Variants in CTSO observed in about 807,000 individuals in gnomAD.
The protein encoded by CTSO is cathepsin O.
Under a neutral mutation model 42.4 loss-of-function variants are expected in CTSO, and 40 were observed. The observed-to-expected ratio is 0.94, with a 90% CI of 0.73 to 1.23. The LOEUF is 1.23. Among genes scored for constraint, CTSO ranks in the 50% most tolerant of loss-of-function variants. The pLI, the probability that CTSO is intolerant of heterozygous loss-of-function variation, is 0.00. For missense variants in CTSO, 441 were observed against 396.0 expected, an observed-to-expected ratio of 1.11 and a Z score of -0.96; for synonymous variants, 156 against 146.2, an observed-to-expected ratio of 1.07 and a Z score of -0.48.
At chr4:155,933,049 A>G (rs889272697) in intron 5 of CTSO, among the ~76,000 whole-genome samples, 1 of 151,994 alleles carries the variant, frequency 6.6e-6, no homozygotes, top group Admixed American at 6.5e-5. Context: ...CTCCAAGGCC[A>G]TTCTCCTAAC....
At chr4:155,931,079 A>AAT (rs1743226604) in intron 5 of CTSO, among the ~76,000 whole-genome samples, 1 of 152,206 alleles carries the variant, frequency 6.6e-6, no homozygotes, top group African/African-American at 2.4e-5. Context: ...GACATAAATT[A>AAT]TGTAGCATGC....
At chr4:155,947,424 T>A (rs1743569121) in intron 1 of CTSO, among the ~76,000 whole-genome samples, 2 of 152,210 alleles carry the variant, frequency 1.3e-5, no homozygotes, top group Admixed American at 1.3e-4. Context: ...TCAAAGACCA[T>A]ACTTTCAGAT....
At chr4:155,930,012 G>C (rs1743207687) in intron 5 of CTSO, among the ~76,000 whole-genome samples, 1 of 152,188 alleles carries the variant, frequency 6.6e-6, no homozygotes, top group South Asian at 2.1e-4. Context: ...GCAGGAAGTA[G>C]AAAGCAGAAG....
At chr4:155,946,523 T>C (rs1003590454) in intron 1 of CTSO, among the ~76,000 whole-genome samples, 1 of 152,206 alleles carries the variant, frequency 6.6e-6, no homozygotes, top group African/African-American at 2.4e-5. Flanking sequence ...CTTGATACAC[T>C]GTTCTTTATG....
intron 7 of CTSO, among the ~76,000 whole-genome samples, chr4:155,927,923 T>C (rs1743160189): frequency 6.6e-6 from 1 of 152,146 alleles, no homozygotes; most frequent in African/African-American, 2.4e-5. Flanking sequence ...TCGTATATTT[T>C]AAAACAAAGA....
intron 2 of CTSO, 90 bp from the exon 3 acceptor site, chr4:155,942,546 ACAAT>A (rs1269105132): frequency 9.3e-6 from 5 of 538,234 alleles, no homozygotes; most frequent in Non-Finnish European, 1.3e-5. Flanking sequence ...ATATATAAAG[ACAAT>A]CAATATTATA....
At chr4:155,940,620 G>A (rs1020229729) in intron 3 of CTSO, among the ~76,000 whole-genome samples, 21 of 152,232 alleles carry the variant, frequency 1.4e-4, no homozygotes, top group African/African-American at 2.9e-4. Flanking sequence ...CAAGGCAGGC[G>A]GATCATGAGG....
At chr4:155,952,042 T>A (rs1326470095) in intron 1 of CTSO, among the ~76,000 whole-genome samples, 1 of 152,240 alleles carries the variant, frequency 6.6e-6, no homozygotes. Flanking sequence ...GTGTTCAGTT[T>A]CCAGCAACTG....
intron 5 of CTSO, among the ~76,000 whole-genome samples, chr4:155,931,622 C>T (rs547544225): frequency 1.5e-4 from 23 of 152,074 alleles, no homozygotes; most frequent in African/African-American, 5.3e-4. Context: ...AAATAATGCT[C>T]CAGACAGCAT....
At chr4:155,953,272 C>T (rs931386434) in intron 1 of CTSO, among the ~76,000 whole-genome samples, 1 of 151,400 alleles carries the variant, frequency 6.6e-6, no homozygotes, top group Non-Finnish European at 1.5e-5. Flanking sequence ...GCGCCCTCCT[C>T]GGGAAAAAAA....
chr4:155,930,319 C>T (rs1468864928), intron 5 of CTSO, among the ~76,000 whole-genome samples: 1 of 152,106 alleles, frequency 6.6e-6, no homozygotes, highest in Non-Finnish European at 1.5e-5. Context: ...AAGGGCTACT[C>T]AAAAGTGGCT....
chr4:155,947,174 C>T (rs1338261024), intron 1 of CTSO, among the ~76,000 whole-genome samples: 1 of 152,128 alleles, frequency 6.6e-6, no homozygotes, highest in African/African-American at 2.4e-5. Flanking sequence ...TTTAACTTTG[C>T]AACAATTTGA....
intron 1 of CTSO, among the ~76,000 whole-genome samples, chr4:155,947,770 C>A (rs1459488323): frequency 1.3e-5 from 2 of 152,174 alleles, no homozygotes; most frequent in Non-Finnish European, 2.9e-5. Flanking sequence ...TTACATCCAA[C>A]AACCTCCGTT....
intron 1 of CTSO, 48 bp from the exon 2 acceptor site, chr4:155,943,312 A>C: frequency 1.7e-6 from 2 of 1,178,800 alleles, no homozygotes; most frequent in Non-Finnish European, 2.5e-6. Flanking sequence ...TCAGTTTTCC[A>C]AAGTAAACTG....
intron 1 of CTSO, among the ~76,000 whole-genome samples, chr4:155,949,174 A>T (rs1176410661): frequency 6.6e-6 from 1 of 152,214 alleles, no homozygotes; most frequent in African/African-American, 2.4e-5. Context: ...TATAAAGGTA[A>T]TTGCTAACAT....
chr4:155,942,502 A>ATATAT, intron 2 of CTSO, 46 bp from the exon 3 acceptor site: 2 of 880,514 alleles, frequency 2.3e-6, no homozygotes, highest in Middle Eastern at 2.9e-4. Context: ...TTATATTACA[A>ATATAT]TATATTATAT....
At chr4:155,942,927 C>T (rs1743467573) in intron 2 of CTSO, among the ~76,000 whole-genome samples, 1 of 152,130 alleles carries the variant, frequency 6.6e-6, no homozygotes, top group Non-Finnish European at 1.5e-5. Flanking sequence ...TTTATAGCCA[C>T]ATGGAAATGT....
chr4:155,945,650 A>G (rs1451605467), intron 1 of CTSO, among the ~76,000 whole-genome samples: 1 of 152,234 alleles, frequency 6.6e-6, no homozygotes, highest in African/African-American at 2.4e-5. Context: ...TGCAACTTAA[A>G]TAAGACCAGT....
chr4:155,943,400 T>C, intron 1 of CTSO, 136 bp from the exon 2 acceptor site: 1 of 540,582 alleles, frequency 1.8e-6, no homozygotes. Flanking sequence ...TAAAGTTGTA[T>C]AAGATATCCA....
Sources: allele counts gnomAD v4.1 joint callset (sites outside exome capture counted in the v4.1 genomes callset), GRCh38; gene constraint gnomAD v4.1.1; transcripts MANE v1.5; gene names NCBI Gene and HGNC (gene_info 2026-07-23, HGNC 2026-07-21).